Variants in RNU6-2 observed in about 807,000 individuals in gnomAD.
RNU6-2 encodes RNA, U6B small nuclear.
exon 1 of RNU6-2, chr19:1,021,570 G>T (rs527552577): frequency 6.6e-6 from 1 of 152,298 alleles, no homozygotes; most frequent in Non-Finnish European, 1.5e-5. Flanking sequence ...ATACAGAGAA[G>T]ATTAGCATGG....
chr19:1,021,563 C>T (rs1342119007), exon 1 of RNU6-2: 1 of 152,294 alleles, frequency 6.6e-6, no homozygotes, highest in African/African-American at 2.4e-5. Flanking sequence ...TGGAACGATA[C>T]AGAGAAGATT....
At chr19:1,021,606 T>G (rs1322579046) in exon 1 of RNU6-2, 1 of 152,222 alleles carries the variant, frequency 6.6e-6, no homozygotes, top group Admixed American at 6.5e-5. Context: ...GACACGCAAA[T>G]TCGTGAAGCG....
exon 1 of RNU6-2, chr19:1,021,584 C>G (rs530895843): frequency 8.5e-5 from 13 of 152,410 alleles, no homozygotes; most frequent in African/African-American, 3.1e-4. Flanking sequence ...AGCATGGCCC[C>G]TGCGCAAGGA....
chr19:1,021,617 T>A (rs571836101), exon 1 of RNU6-2: 1 of 152,154 alleles, frequency 6.6e-6, no homozygotes, highest in Non-Finnish European at 1.5e-5. Flanking sequence ...TCGTGAAGCG[T>A]TCCATATTTT....
exon 1 of RNU6-2, chr19:1,021,625 T>G (rs565070599): frequency 6.6e-6 from 1 of 152,260 alleles, no homozygotes; most frequent in Non-Finnish European, 1.5e-5. Flanking sequence ...CGTTCCATAT[T>G]TTTGCTGTAG....
At chr19:1,021,627 T>G (rs1473738893) in exon 1 of RNU6-2, 1 of 152,266 alleles carries the variant, frequency 6.6e-6, no homozygotes, top group Non-Finnish European at 1.5e-5. Context: ...TTCCATATTT[T>G]TGCTGTAGTC....
exon 1 of RNU6-2, chr19:1,021,611 G>GT (rs767036042): frequency 1.3e-5 from 2 of 152,266 alleles, no homozygotes; most frequent in Non-Finnish European, 2.9e-5. Context: ...GCAAATTCGT[G>GT]AAGCGTTCCA....
exon 1 of RNU6-2, chr19:1,021,564 A>G (rs1041475737): frequency 3.6e-4 from 55 of 152,400 alleles, no homozygotes; most frequent in Admixed American, 2.8e-3. Flanking sequence ...GGAACGATAC[A>G]GAGAAGATTA....
chr19:1,021,539 A>G (rs923486956), exon 1 of RNU6-2: 2 of 152,294 alleles, frequency 1.3e-5, no homozygotes, highest in Non-Finnish European at 2.9e-5. Flanking sequence ...CTTCGGCAGC[A>G]CATATACTAA....
At chr19:1,021,527 C>G (rs1035998752) in exon 1 of RNU6-2, 2 of 152,274 alleles carry the variant, frequency 1.3e-5, no homozygotes, top group Non-Finnish European at 2.9e-5. Flanking sequence ...GAGTCGTGCT[C>G]GCTTCGGCAG....
chr19:1,021,531 T>C (rs1277466517), exon 1 of RNU6-2: 1 of 152,274 alleles, frequency 6.6e-6, no homozygotes, highest in Non-Finnish European at 1.5e-5. Flanking sequence ...CGTGCTCGCT[T>C]CGGCAGCACA....
chr19:1,021,547 T>G (rs1391871476), exon 1 of RNU6-2: 1 of 152,242 alleles, frequency 6.6e-6, no homozygotes, highest in Admixed American at 6.5e-5. Flanking sequence ...GCACATATAC[T>G]AAAATTGGAA....
At chr19:1,021,550 A>AT (rs2039300441) in exon 1 of RNU6-2, 1 of 152,272 alleles carries the variant, frequency 6.6e-6, no homozygotes, top group African/African-American at 2.4e-5. Context: ...CATATACTAA[A>AT]ATTGGAACGA....
chr19:1,021,623 AT>A (rs1477489906), exon 1 of RNU6-2: 1 of 152,116 alleles, frequency 6.6e-6, no homozygotes, highest in African/African-American at 2.4e-5. Flanking sequence ...AGCGTTCCAT[AT>A]TTTTGCTGTA....
chr19:1,021,557 A>T (rs1169425975), exon 1 of RNU6-2: 2 of 152,262 alleles, frequency 1.3e-5, no homozygotes, highest in African/African-American at 4.8e-5. Flanking sequence ...TAAAATTGGA[A>T]CGATACAGAG....
chr19:1,021,538 C>A (rs760150579), exon 1 of RNU6-2: 1 of 152,258 alleles, frequency 6.6e-6, no homozygotes, highest in Non-Finnish European at 1.5e-5. Context: ...GCTTCGGCAG[C>A]ACATATACTA....
At chr19:1,021,607 T>G (rs1366084724) in exon 1 of RNU6-2, 2 of 152,210 alleles carry the variant, frequency 1.3e-5, no homozygotes, top group African/African-American at 4.8e-5. Context: ...ACACGCAAAT[T>G]CGTGAAGCGT....
At chr19:1,021,583 C>CT (rs1599497531) in exon 1 of RNU6-2, 2 of 152,246 alleles carry the variant, frequency 1.3e-5, no homozygotes, top group African/African-American at 2.4e-5. Flanking sequence ...TAGCATGGCC[C>CT]CTGCGCAAGG....
chr19:1,021,565 G>GT (rs2039301060), exon 1 of RNU6-2: 1 of 152,298 alleles, frequency 6.6e-6, no homozygotes, highest in Admixed American at 6.5e-5. Context: ...GAACGATACA[G>GT]AGAAGATTAG....
Sources: gnomAD v4.1 joint callset for allele counts on GRCh38, gnomAD v4.1.1 for gene constraint, MANE v1.5 for transcripts, NCBI Gene and HGNC (gene_info 2026-07-23, HGNC 2026-07-21) for gene names.